Variants in AUTS2 observed in about 807,000 individuals in gnomAD.
AUTS2 encodes the protein autism susceptibility gene 2 protein.
Under a neutral mutation model 112.4 loss-of-function variants are expected in AUTS2, and 17 were observed. That is an observed-to-expected ratio of 0.15 (90% CI 0.10 to 0.23). AUTS2 has a LOEUF of 0.23. Among genes scored for constraint, AUTS2 ranks in the 10% least tolerant of loss-of-function variants. AUTS2 has a pLI of 1.00. For synonymous variants in AUTS2, 751 were observed against 702.7 expected (o/e 1.07, Z -1.09); for missense variants, 1,510 against 1,701.6 (o/e 0.89, Z 1.98).
At chr7:70,402,622 G>C (rs1052996376) in intron 4 of AUTS2, among the ~76,000 whole-genome samples, 1 of 152,160 alleles carries the variant, frequency 6.6e-6, no homozygotes, top group Non-Finnish European at 1.5e-5. Flanking sequence ...GCTTGCATGC[G>C]GGAAGAGCAC....
intron 2 of AUTS2, among the ~76,000 whole-genome samples, chr7:70,009,145 G>T (rs1471867229): frequency 6.6e-6 from 1 of 152,078 alleles, no homozygotes; most frequent in African/African-American, 2.4e-5. Flanking sequence ...TCATTCCATG[G>T]GAGAAGGTGG....
chr7:69,957,641 C>T (rs568498375), intron 2 of AUTS2, among the ~76,000 whole-genome samples: 1 of 151,940 alleles, frequency 6.6e-6, no homozygotes, highest in African/African-American at 2.4e-5. Context: ...ATTTGGAGAC[C>T]ATTTCTATTC....
intron 3 of AUTS2, among the ~76,000 whole-genome samples, chr7:70,122,339 T>TA (rs1251740918): frequency 1.3e-5 from 2 of 152,182 alleles, no homozygotes; most frequent in Non-Finnish European, 2.9e-5. Context: ...AATGATCTGT[T>TA]AAAAAATGTA....
Position 70,091,747 on chromosome 7 carries a change from T to G in AUTS2, c.523-26385T>G, listed in dbSNP as rs186847526. 3.3e-5 allele frequency among the ~76,000 whole-genome samples: 5 copies of G among 152,324 alleles called. No homozygotes were observed. The East Asian group carries it at 7.7e-4, about 24-fold the overall frequency. ...CCTTCTGGGTCCTGTGGTAATCATC[T>G]GAGCACGTACTTTTCATTTCTGAGT... On this transcript the variant is annotated intron_variant, in intron 2 of 18. Coordinates refer to ENST00000342771, the MANE Select transcript of AUTS2 (RefSeq NM_015570.4).
At chr7:70,054,725 A>G (rs886757245) in intron 2 of AUTS2, among the ~76,000 whole-genome samples, 27 of 152,198 alleles carry the variant, frequency 1.8e-4, no homozygotes, top group Admixed American at 1.7e-3. Context: ...AATCAGTGGT[A>G]TTACATAATC....
intron 2 of AUTS2, among the ~76,000 whole-genome samples, chr7:69,971,662 A>AT (rs1797855323): frequency 6.6e-6 from 1 of 152,084 alleles, no homozygotes; most frequent in African/African-American, 2.4e-5. Context: ...ACTTTTCTCC[A>AT]TTTTTATAAT....
chr7:70,635,095 T>C (rs1332226372), intron 5 of AUTS2, among the ~76,000 whole-genome samples: 1 of 152,176 alleles, frequency 6.6e-6, no homozygotes, highest in Non-Finnish European at 1.5e-5. Flanking sequence ...GAGTGCCTTA[T>C]GAATTCCACT....
chr7:70,566,881 C>T (rs899605712), intron 5 of AUTS2, among the ~76,000 whole-genome samples: 4 of 152,208 alleles, frequency 2.6e-5, no homozygotes, highest in South Asian at 2.1e-4. Context: ...CTTTCACTGT[C>T]GGTTCTAATA....
At chr7:70,470,766 C>T (rs557983725) in intron 5 of AUTS2, among the ~76,000 whole-genome samples, 210 of 152,194 alleles carry the variant, frequency 1.4e-3, no homozygotes, top group Non-Finnish European at 2.6e-3. Context: ...GTAACCCCAC[C>T]GGGAGCAGCA....
At chr7:70,709,981 G>T (rs924156146) in intron 6 of AUTS2, among the ~76,000 whole-genome samples, 2 of 152,134 alleles carry the variant, frequency 1.3e-5, no homozygotes, top group South Asian at 4.1e-4. Flanking sequence ...AAAGACAGTG[G>T]CTACAATTTG....
chr7:70,039,197 A>C (rs1181369853), intron 2 of AUTS2, among the ~76,000 whole-genome samples: 3 of 152,216 alleles, frequency 2.0e-5, no homozygotes, highest in African/African-American at 7.2e-5. Context: ...ACCTATTGTC[A>C]GCATTGTTTA....
At chr7:69,706,391 C>A (rs1798061216) in intron 1 of AUTS2, among the ~76,000 whole-genome samples, 1 of 152,148 alleles carries the variant, frequency 6.6e-6, no homozygotes, top group Non-Finnish European at 1.5e-5. Flanking sequence ...GATAATCCTG[C>A]AGCCGGCCTG....
chr7:69,944,877 A>G (rs1159179743), intron 2 of AUTS2, among the ~76,000 whole-genome samples: 1 of 152,180 alleles, frequency 6.6e-6, no homozygotes, highest in Non-Finnish European at 1.5e-5. Flanking sequence ...ACTTTGATGA[A>G]AGGGTCAGAT....
chr7:69,962,239 C>T lies in AUTS2; in HGVS notation c.522+62741C>T, dbSNP rs576775506. ...GCCTGGTTCCCTTAAGGACTCTAAA[C>T]CACTTAGCTTGGAGCTGGTGCCATT... On this transcript the variant is annotated intron_variant, in intron 2 of 18. Transcript: ENST00000342771. 3.5e-3 allele frequency among the ~76,000 whole-genome samples: 537 copies of T among 152,276 alleles called. 2 individuals carry two copies. The highest frequency in any genetic ancestry group is 0.012 in the African/African-American group (512 of 41,554).
intron 4 of AUTS2, among the ~76,000 whole-genome samples, chr7:70,158,558 A>G (rs964454775): frequency 3.9e-5 from 6 of 152,190 alleles, no homozygotes; most frequent in African/African-American, 1.4e-4. Context: ...ATAAGAGCAC[A>G]TATTTGAATC....
chr7:70,116,285 G>A (rs1193426873), intron 2 of AUTS2, among the ~76,000 whole-genome samples: 3 of 152,174 alleles, frequency 2.0e-5, no homozygotes, highest in African/African-American at 7.2e-5. Context: ...AGTGATAAAG[G>A]TGAATTTCTG....
At chr7:69,646,992 G>T (rs1795053361) in intron 1 of AUTS2, among the ~76,000 whole-genome samples, 1 of 152,214 alleles carries the variant, frequency 6.6e-6, no homozygotes, top group Non-Finnish European at 1.5e-5. Context: ...GGAAGCTGAG[G>T]CAGGAGAATG....
At chr7:70,111,020 G>A (rs1158440081) in intron 2 of AUTS2, among the ~76,000 whole-genome samples, 2 of 151,616 alleles carry the variant, frequency 1.3e-5, no homozygotes, top group African/African-American at 2.4e-5. Context: ...GACTACAGGT[G>A]CCCACCACCA....
intron 2 of AUTS2, among the ~76,000 whole-genome samples, chr7:69,919,905 C>T (rs1264396481): frequency 7.9e-5 from 12 of 152,122 alleles, no homozygotes; most frequent in Admixed American, 2.6e-4. Flanking sequence ...GGTAATGACT[C>T]ACTTTGGTAA....
Sources: allele counts gnomAD v4.1 joint callset (sites outside exome capture counted in the v4.1 genomes callset), GRCh38; gene constraint gnomAD v4.1.1; transcripts MANE v1.5; gene names NCBI Gene and HGNC (gene_info 2026-07-23, HGNC 2026-07-21).